Variants in SUMF1 observed in about 807,000 individuals in gnomAD.
The protein encoded by SUMF1 is formylglycine-generating enzyme.
A neutral mutation model predicts 47.6 loss-of-function variants in SUMF1; 48 were observed. The ratio of observed to expected loss-of-function variants is 1.01; its 90% confidence interval spans 0.80 to 1.28. The LOEUF (loss-of-function observed/expected upper bound fraction) is 1.28, where lower values mean the gene tolerates loss of function less well. SUMF1 is among the 50% of genes most tolerant of loss of function. The probability of loss-of-function intolerance (pLI) is 0.00; values close to 1 mark genes in which losing one functional copy is unlikely to be tolerated. For missense variants in SUMF1, 571 were observed against 485.4 expected, an observed-to-expected ratio of 1.18 and a Z score of -1.66; for synonymous variants, 230 against 192.1, an observed-to-expected ratio of 1.20 and a Z score of -1.63.
chr3:4,225,742 G>C (rs1007717554), intron 8 of SUMF1, among the ~76,000 whole-genome samples: 1 of 152,076 alleles, frequency 6.6e-6, no homozygotes, highest in Non-Finnish European at 1.5e-5. Flanking sequence ...TTACAATTAA[G>C]AAAAATCCCT....
intron 8 of SUMF1, among the ~76,000 whole-genome samples, chr3:4,075,082 T>C (rs1692390550): frequency 6.6e-6 from 1 of 152,054 alleles, no homozygotes; most frequent in African/African-American, 2.4e-5. Context: ...TGAACATCAA[T>C]GTGAAAATCC....
intron 1 of SUMF1, among the ~76,000 whole-genome samples, chr3:4,457,066 A>ATACGTGTGTGTACG: frequency 1.0e-5 from 1 of 99,266 alleles, no homozygotes; most frequent in Non-Finnish European, 2.9e-5. Context: ...GTGTATATAT[A>ATACGTGTGTGTACG]TATATATACG....
At chr3:4,115,413 G>C (rs1220213190) in intron 8 of SUMF1, among the ~76,000 whole-genome samples, 1 of 152,164 alleles carries the variant, frequency 6.6e-6, no homozygotes, top group Non-Finnish European at 1.5e-5. Flanking sequence ...CAATAAGGCA[G>C]AGGGCCTAAT....
chr3:4,284,689 C>A (rs944226723), intron 8 of SUMF1, among the ~76,000 whole-genome samples: 1 of 151,228 alleles, frequency 6.6e-6, no homozygotes, highest in African/African-American at 2.4e-5. Flanking sequence ...CTAGCGTCAA[C>A]AATTACTTCA....
chr3:4,103,124 T>C (rs1440087933), intron 8 of SUMF1, among the ~76,000 whole-genome samples: 2 of 151,628 alleles, frequency 1.3e-5, no homozygotes, highest in Non-Finnish European at 1.5e-5. Context: ...GGTTTCCCTA[T>C]GTTGGCCAGG....
At chr3:4,231,576 A>G (rs1696300584) in intron 8 of SUMF1, among the ~76,000 whole-genome samples, 1 of 152,144 alleles carries the variant, frequency 6.6e-6, no homozygotes, top group South Asian at 2.1e-4. Flanking sequence ...TGCTATCCTA[A>G]TTGCCCCAAT....
chr3:4,420,577 T>C (rs1009065999), intron 3 of SUMF1, among the ~76,000 whole-genome samples: 1 of 152,020 alleles, frequency 6.6e-6, no homozygotes, highest in East Asian at 1.9e-4. Flanking sequence ...TTTGTATTTT[T>C]ACTAGAGACA....
At chr3:4,293,272 G>A (rs1291040409) in intron 8 of SUMF1, among the ~76,000 whole-genome samples, 2 of 152,100 alleles carry the variant, frequency 1.3e-5, no homozygotes, top group African/African-American at 4.8e-5. Flanking sequence ...AGATTAGAAT[G>A]ACACTGAAAA....
At chr3:4,311,762 T>A (rs2125093661) in intron 8 of SUMF1, among the ~76,000 whole-genome samples, 1 of 152,350 alleles carries the variant, frequency 6.6e-6, no homozygotes, top group East Asian at 1.9e-4. Context: ...TCCTTACTTG[T>A]TCATTTATCT....
intron 8 of SUMF1, among the ~76,000 whole-genome samples, chr3:4,369,715 C>T (rs1423050650): frequency 6.6e-6 from 1 of 152,152 alleles, no homozygotes; most frequent in Admixed American, 6.5e-5. Flanking sequence ...TGTTCCTAGG[C>T]CATACATCCA....
At chr3:4,445,520 G>C (rs1702750381) in intron 3 of SUMF1, among the ~76,000 whole-genome samples, 1 of 151,982 alleles carries the variant, frequency 6.6e-6, no homozygotes, top group African/African-American at 2.4e-5. Flanking sequence ...TGTATTTTTT[G>C]TAGAGATGGG....
chr3:4,197,683 T>A (rs1695458119), intron 8 of SUMF1, among the ~76,000 whole-genome samples: 1 of 152,096 alleles, frequency 6.6e-6, no homozygotes, highest in African/African-American at 2.4e-5. Context: ...ACAAGTAAAC[T>A]AGGAAATGCC....
intron 8 of SUMF1, among the ~76,000 whole-genome samples, chr3:4,084,827 T>A (rs1574868561): frequency 6.6e-6 from 1 of 152,090 alleles, no homozygotes; most frequent in Non-Finnish European, 1.5e-5. Context: ...AAAAACATTG[T>A]GTGGTTATCT....
chr3:4,325,241 A>T (rs2125121329), intron 8 of SUMF1, among the ~76,000 whole-genome samples: 1 of 152,302 alleles, frequency 6.6e-6, no homozygotes, highest in South Asian at 2.1e-4. Context: ...TTTCAAAGAA[A>T]GTACTGTAGA....
At chr3:4,333,689 G>A (rs1038239039) in intron 8 of SUMF1, among the ~76,000 whole-genome samples, 5 of 152,080 alleles carry the variant, frequency 3.3e-5, no homozygotes, top group Admixed American at 6.6e-5. Context: ...TTTTGTGATC[G>A]GCCCATATCC....
At chr3:4,312,703 TAAA>T (rs375529794) in intron 8 of SUMF1, among the ~76,000 whole-genome samples, 1 of 135,890 alleles carries the variant, frequency 7.4e-6, no homozygotes, top group Non-Finnish European at 1.6e-5. Context: ...CCCTGTCTCT[TAAA>T]AAAAAAAAAA....
intron 9 of SUMF1, among the ~76,000 whole-genome samples, chr3:4,042,163 A>G (rs376371037): frequency 1.3e-5 from 2 of 152,202 alleles, no homozygotes; most frequent in South Asian, 4.1e-4. Flanking sequence ...TGACTACTCT[A>G]AAGACTAGTA....
intron 8 of SUMF1, among the ~76,000 whole-genome samples, chr3:4,129,435 A>C (rs1174111122): frequency 6.6e-6 from 1 of 152,152 alleles, no homozygotes; most frequent in Admixed American, 6.5e-5. Context: ...TAATTTATAT[A>C]AGCAGAAAAC....
At chr3:4,389,906 C>A (rs1019044377) in intron 7 of SUMF1, among the ~76,000 whole-genome samples, 2 of 151,762 alleles carry the variant, frequency 1.3e-5, no homozygotes, top group African/African-American at 4.8e-5. Context: ...CTTTTTTCTC[C>A]CATGGTTTCT....
Sources: allele counts gnomAD v4.1 joint callset (sites outside exome capture counted in the v4.1 genomes callset), GRCh38; gene constraint gnomAD v4.1.1; transcripts MANE v1.5; gene names NCBI Gene and HGNC (gene_info 2026-07-23, HGNC 2026-07-21).